BCAS3: variants seen among roughly 807,000 people sequenced by gnomAD.
BCAS3 encodes the protein BCAS3 microtubule associated cell migration factor, also known as BCAS4/BCAS3 fusion.
In BCAS3, 53 loss-of-function variants were observed where a neutral mutation model predicts 116.1. That is an observed-to-expected ratio of 0.46 (90% confidence interval 0.37 to 0.57). The LOEUF (loss-of-function observed/expected upper bound fraction) is 0.57, where lower values mean the gene tolerates loss of function less well. Ranked by LOEUF, BCAS3 falls within the 20% of genes least tolerant of loss-of-function variation. The probability of loss-of-function intolerance (pLI) is 0.00; values close to 1 mark genes in which losing one functional copy is unlikely to be tolerated. For synonymous variants in BCAS3, 391 were observed against 408.2 expected (o/e 0.96, Z 0.51); for missense variants, 917 against 1,165.4 (o/e 0.79, Z 3.10).
chr17:61,046,591 T>C (rs1205516464), intron 19 of BCAS3, among the ~76,000 whole-genome samples: 1 of 151,856 alleles, frequency 6.6e-6, no homozygotes, highest in Non-Finnish European at 1.5e-5. Flanking sequence ...GTTAACACTG[T>C]ATTGTTTGGG....
At position 61,278,892 on chromosome 17, in the gene BCAS3, T is replaced by C. The variant is rs1332603470; in HGVS notation, c.2426-89435T>C. ...TCAGAACAATCAAAATCTTCTAAAA[T>C]AGATTGTGGTGATGGTTGCACAATT... On this transcript the variant is annotated intron_variant, in intron 22 of 23. Coordinates refer to ENST00000407086, the MANE Select transcript of BCAS3 (RefSeq NM_017679.5). The surrounding 1 kb of genome is among the most constrained non-coding windows in gnomAD (Gnocchi z 5.8). 6.6e-6 allele frequency among the ~76,000 whole-genome samples: 1 copy of C among 151,936 alleles called. No homozygotes were observed.
At chr17:60,890,711 T>G (rs2057086348) in intron 10 of BCAS3, among the ~76,000 whole-genome samples, 1 of 152,222 alleles carries the variant, frequency 6.6e-6, no homozygotes, top group Non-Finnish European at 1.5e-5. Context: ...TAAAATTCTT[T>G]TAATTCCATT....
intron 7 of BCAS3, among the ~76,000 whole-genome samples, chr17:60,809,278 A>G (rs1189514193): frequency 6.6e-6 from 1 of 151,920 alleles, no homozygotes; most frequent in Non-Finnish European, 1.5e-5. Flanking sequence ...CTCAAAAAAA[A>G]AAAAAAAAAG....
intron 6 of BCAS3, among the ~76,000 whole-genome samples, chr17:60,783,297 C>G (rs1009607602): frequency 3.3e-5 from 5 of 152,176 alleles, no homozygotes; most frequent in African/African-American, 1.2e-4. Context: ...CTTGAACTCC[C>G]TGGCTCAAGC....
At position 61,063,092 on chromosome 17, in the gene BCAS3, A is replaced by G. The variant is rs1198685082; in HGVS notation, c.2030-11828A>G. Among the ~76,000 whole-genome samples, 1 of 152,160 alleles carries G rather than the reference A, an allele frequency of 6.6e-6. No homozygotes were observed. The highest frequency in any genetic ancestry group is 6.5e-5 in the Admixed American group (1 of 15,284). On this transcript the variant is annotated intron_variant, in intron 19 of 23. Coordinates refer to ENST00000407086, the MANE Select transcript of BCAS3 (RefSeq NM_017679.5). This position sits in a 1 kb window ranked among gnomAD's most constrained non-coding sequence, Gnocchi z 5.3. ...TTCTTTGGCCCTCCAGAAAGTCAAC[A>G]AACAAACTGCCTCAAGCATCCTAAA... is the stretch of plus-strand genomic sequence containing the variant.
intron 10 of BCAS3, among the ~76,000 whole-genome samples, chr17:60,892,895 C>G (rs2057270215): frequency 6.6e-6 from 1 of 151,978 alleles, no homozygotes; most frequent in Non-Finnish European, 1.5e-5. Flanking sequence ...GCACTCTAGC[C>G]TGGCCAACAA....
At chr17:61,268,639 A>G (rs749199265) in intron 22 of BCAS3, among the ~76,000 whole-genome samples, 8 of 151,926 alleles carry the variant, frequency 5.3e-5, no homozygotes, top group African/African-American at 9.7e-5. Context: ...CTGGAGTACA[A>G]TCTCGGCTCC....
chr17:61,202,923 A>G (rs2080923937), intron 22 of BCAS3, among the ~76,000 whole-genome samples: 1 of 152,220 alleles, frequency 6.6e-6, no homozygotes, highest in Non-Finnish European at 1.5e-5. Flanking sequence ...GTAGGTAATC[A>G]AGGTACTGAA....
chr17:61,070,280 A>G lies in BCAS3; in HGVS notation c.2030-4640A>G, dbSNP rs368338280. ...TGGCCTGATGGAGAGAAGAAGGCAT[A>G]TGTTCGACTGGCTCCTGGTTACGAT... On this transcript the variant is annotated intron_variant, in intron 19 of 23. Transcript: ENST00000407086. 29 of 1,431,062 alleles carry G rather than the reference A, an allele frequency of 2.0e-5. No individual in the cohort carries two copies. In the African/African-American group the frequency reaches 3.5e-4, roughly 17 times the overall value. The allele number at this position is 1,431,062 out of a possible 1,614,324, so 88.6% of individuals were successfully genotyped here. A position where few individuals can be genotyped will look rare whatever the true frequency, so the allele number is the denominator to read the frequency against.
In BCAS3 at chr17:61,364,411, G is replaced by A. The variant is rs913705771; in HGVS notation, c.2426-3916G>A. Among the ~76,000 whole-genome samples the A allele has an allele frequency of 1.3e-5, 2 of 152,174 alleles. No individual in the cohort carries two copies. The highest frequency in any genetic ancestry group is 4.8e-5 in the African/African-American group (2 of 41,448). On this transcript the variant is annotated intron_variant, in intron 22 of 23. Transcript: ENST00000407086. The surrounding 1 kb of genome is among the most constrained non-coding windows in gnomAD (Gnocchi z 5.4). ...TCAAAATGGTAGGAAAGATAGAAGT[G>A]GTTTACACATATTGTGGTTCTTGGC...
In BCAS3 at chr17:61,230,166, CACACACACAT is replaced by C. The variant is rs977286580; in HGVS notation, c.2426-138159_2426-138150del. Among the ~76,000 whole-genome samples the C allele has an allele frequency of 4.5e-4, 68 of 151,464 alleles. 1 individual carries two copies. The highest frequency in any genetic ancestry group is 3.4e-3 in the Middle Eastern group (1 of 294). On this transcript the variant is annotated intron_variant, in intron 22 of 23. Transcript: ENST00000407086. ...ATACACACACACACACACACACACA[CACACACACAT>C]AGTGTTGATATGTGCATATATGTAT... is the stretch of plus-strand genomic sequence containing the variant.
intron 19 of BCAS3, among the ~76,000 whole-genome samples, chr17:61,058,677 G>A (rs2069648337): frequency 6.6e-6 from 1 of 152,158 alleles, no homozygotes; most frequent in Non-Finnish European, 1.5e-5. Flanking sequence ...GTAACCTTGT[G>A]TTGTGACTTC....
rs1326917818 is a variant in BCAS3 at position 61,220,801 on chromosome 17, A to G, written c.2425+136237A>G. On this transcript the variant is annotated intron_variant, in intron 22 of 23. Coordinates refer to ENST00000407086, the MANE Select transcript of BCAS3 (RefSeq NM_017679.5). This position sits in a 1 kb window ranked among gnomAD's most constrained non-coding sequence, Gnocchi z 4.5. ...TCTGAGGAAAAGATGTCTGTGTTCC[A>G]CCTAGAAAGTGTAGTTCGGCTGGGC... Among the ~76,000 whole-genome samples, 2 of 152,104 alleles carry G rather than the reference A, an allele frequency of 1.3e-5. No homozygotes were observed. Among genetic ancestry groups the G allele is most frequent in the African/African-American group, 2.4e-5 (1 of 41,426 alleles).
chr17:61,191,013 A>G (rs2080079418), intron 22 of BCAS3, among the ~76,000 whole-genome samples: 1 of 152,048 alleles, frequency 6.6e-6, no homozygotes, highest in African/African-American at 2.4e-5. Flanking sequence ...TGAGGTTACA[A>G]TGAGCTATGC....
intron 16 of BCAS3, among the ~76,000 whole-genome samples, chr17:61,018,963 T>C (rs2065684865): frequency 6.6e-6 from 1 of 152,194 alleles, no homozygotes; most frequent in Admixed American, 6.5e-5. Flanking sequence ...CCATCTACTA[T>C]TTTTTATCCC....
intron 3 of BCAS3, 27 bp downstream of exon 3, chr17:60,684,063 T>C (rs1341066237): frequency 1.2e-6 from 2 of 1,607,516 alleles, no homozygotes; most frequent in South Asian, 2.2e-5. Flanking sequence ...GCTTTCGCCT[T>C]TCCCTTTGGT....
Position 60,990,195 on chromosome 17 carries a change from T to C in BCAS3, c.1446T>C (p.Val482=). ...TSKQGGRCSP[V]PGLSSSPSGS... ...AGCAAGGAGGTCGCTGTAGCCCTGT[T>C]CCAGGTCTATCAAGCAGCCCTTCTG... is the stretch of plus-strand genomic sequence containing the variant. The change falls in exon 15 of 24, where the codon GTT becomes GTC. Residue 482 remains valine, a synonymous_variant. Coordinates refer to ENST00000407086, the MANE Select transcript of BCAS3 (RefSeq NM_017679.5). The surrounding 1 kb of genome is among the most constrained non-coding windows in gnomAD (Gnocchi z 5.1). The C allele has an allele frequency of 6.2e-7, 1 of 1,614,146 alleles. No individual in the cohort carries two copies. The highest frequency in any genetic ancestry group is 8.5e-7 in the Non-Finnish European group (1 of 1,180,018).
At chr17:61,018,128 C>T (rs528057394) in intron 16 of BCAS3, among the ~76,000 whole-genome samples, 8 of 151,888 alleles carry the variant, frequency 5.3e-5, no homozygotes, top group African/African-American at 1.9e-4. Flanking sequence ...GCCATAGTTT[C>T]GAATTCTTTT....
At chr17:60,848,287 T>C (rs115822898) in intron 7 of BCAS3, among the ~76,000 whole-genome samples, 26 of 152,328 alleles carry the variant, frequency 1.7e-4, no homozygotes, top group African/African-American at 4.8e-4. Context: ...CTTGTACTTA[T>C]TACATTTGTG....
Sources: gnomAD v4.1 joint callset for allele counts (sites outside exome capture counted in the v4.1 genomes callset) on GRCh38, gnomAD v4.1.1 for gene constraint, Gnocchi (gnomAD v3.1) non-coding constraint, MANE v1.5 for transcripts, NCBI Gene and HGNC (gene_info 2026-07-23, HGNC 2026-07-21) for gene names.